RGS5: variants seen among roughly 807,000 people sequenced by gnomAD.
The protein encoded by RGS5 is regulator of G-protein signalling 5.
RGS5 carries 20 observed loss-of-function variants against 18.9 expected under a neutral mutation model. The ratio of observed to expected loss-of-function variants is 1.06; its 90% CI spans 0.74 to 1.54. RGS5 has a LOEUF of 1.54. Among genes scored for constraint, RGS5 ranks in the 40% most tolerant of loss-of-function variants. RGS5 has a pLI of 0.00. For synonymous variants in RGS5, 57 were observed against 76.2 expected (o/e 0.75, Z 1.31); for missense variants, 201 against 211.8 (o/e 0.95, Z 0.32).
At chr1:163,276,440 ATATT>A (rs2101715587) in intron 2 of RGS5, among the ~76,000 whole-genome samples, 1 of 152,280 alleles carries the variant, frequency 6.6e-6, no homozygotes, top group East Asian at 1.9e-4. Flanking sequence ...AGATAGATAG[ATATT>A]TAAATTTTTT....
At chr1:163,195,853 T>G (rs1295091416) in intron 1 of RGS5, among the ~76,000 whole-genome samples, 2 of 152,136 alleles carry the variant, frequency 1.3e-5, no homozygotes, top group Non-Finnish European at 2.9e-5. Context: ...CTAGTCACCT[T>G]AAATATAATA....
At chr1:163,263,332 T>C (rs1428439269) in intron 2 of RGS5, among the ~76,000 whole-genome samples, 1 of 152,210 alleles carries the variant, frequency 6.6e-6, no homozygotes, top group Non-Finnish European at 1.5e-5. Context: ...TTCTTCAGAT[T>C]CTTGAACTAG....
intron 1 of RGS5, among the ~76,000 whole-genome samples, chr1:163,208,369 A>AAC (rs1660004793): frequency 1.4e-5 from 2 of 146,552 alleles, no homozygotes; most frequent in South Asian, 4.4e-4. Flanking sequence ...AAAAAAAAAA[A>AAC]AAGGAAAAGA....
intron 1 of RGS5, among the ~76,000 whole-genome samples, chr1:163,194,368 T>C (rs1334524303): frequency 6.6e-6 from 1 of 152,160 alleles, no homozygotes; most frequent in Non-Finnish European, 1.5e-5. Context: ...ATGACTTAGA[T>C]GAGATAAGAA....
chr1:163,183,280 T>A (rs1658939468), intron 1 of RGS5, among the ~76,000 whole-genome samples: 1 of 152,248 alleles, frequency 6.6e-6, no homozygotes, highest in African/African-American at 2.4e-5. Flanking sequence ...CCAAGATTTC[T>A]ATTTTCAGGA....
At chr1:163,156,289 T>A (rs1009120388) in intron 3 of RGS5, among the ~76,000 whole-genome samples, 10 of 152,198 alleles carry the variant, frequency 6.6e-5, no homozygotes, top group African/African-American at 1.9e-4. Context: ...AAGAAATAAA[T>A]AATTCATATA....
At chr1:163,183,402 T>C (rs1026323706) in intron 1 of RGS5, among the ~76,000 whole-genome samples, 4 of 152,234 alleles carry the variant, frequency 2.6e-5, no homozygotes, top group African/African-American at 9.6e-5. Flanking sequence ...GGGGTTGTTT[T>C]ACAAAATTAA....
At chr1:163,249,469 T>A (rs1023983328) in intron 2 of RGS5, among the ~76,000 whole-genome samples, 1 of 152,218 alleles carries the variant, frequency 6.6e-6, no homozygotes. Context: ...AATCACCCAC[T>A]CTTTCCATGC....
At position 163,168,269 on chromosome 1, in the gene RGS5, G is replaced by A. The variant is rs1236348227; in HGVS notation, c.144C>T (p.Ala48=). 1 of 1,612,996 alleles carries A rather than the reference G, an allele frequency of 6.2e-7. No individual in the cohort carries two copies. Among genetic ancestry groups the A allele is most frequent in the Non-Finnish European group, 8.5e-7 (1 of 1,179,186 alleles). The change falls in exon 2 of 5, where the codon GCC becomes GCT. Residue 48 remains alanine (A), a synonymous_variant. Transcript: ENST00000313961. ...IPYNEKPEKP[A]KTQKTSLDEA... ...TATTCATGACTCACTTCTGGGTCTTGGCTGGTTTCTCTGGCTTCTCATTGT... is the reference window on the plus strand; with the variant it reads ...TATTCATGACTCACTTCTGGGTCTTAGCTGGTTTCTCTGGCTTCTCATTGT...
intron 1 of RGS5, chr1:163,308,641 G>A (rs1443677371): frequency 6.6e-6 from 1 of 152,088 alleles, no homozygotes; most frequent in African/African-American, 2.4e-5. Context: ...ACTGTCATGA[G>A]AATAAAAAGT....
chr1:163,191,019 C>T (rs1659328695), intron 1 of RGS5, among the ~76,000 whole-genome samples: 1 of 152,124 alleles, frequency 6.6e-6, no homozygotes, highest in Non-Finnish European at 1.5e-5. Context: ...GTGTGCTCTC[C>T]TGTGACGGCC....
At chr1:163,321,257 C>T (rs1650197016) in intron 1 of RGS5, 1 of 152,216 alleles carries the variant, frequency 6.6e-6, no homozygotes, top group South Asian at 2.1e-4. Flanking sequence ...ACTTTACAGT[C>T]CCACTTACTG....
At chr1:163,199,955 G>A (rs749092518) in intron 1 of RGS5, among the ~76,000 whole-genome samples, 1 of 152,104 alleles carries the variant, frequency 6.6e-6, no homozygotes, top group Non-Finnish European at 1.5e-5. Flanking sequence ...ATAGGCATGA[G>A]CCACCATGCC....
At chr1:163,310,565 A>G (rs1249755761) in intron 1 of RGS5, among the ~76,000 whole-genome samples, 2 of 129,734 alleles carry the variant, frequency 1.5e-5, no homozygotes, top group African/African-American at 3.0e-5. Context: ...ACAGAGCAAG[A>G]CTCCGTCTCA....
chr1:163,213,979 C>T (rs1234682836), intron 1 of RGS5, among the ~76,000 whole-genome samples: 1 of 152,128 alleles, frequency 6.6e-6, no homozygotes, highest in Non-Finnish European at 1.5e-5. Context: ...GATCAAGTAA[C>T]CCCATTAAAA....
At chr1:163,159,820 A>G (rs546792216) in intron 3 of RGS5, among the ~76,000 whole-genome samples, 1 of 152,310 alleles carries the variant, frequency 6.6e-6, no homozygotes, top group Admixed American at 6.5e-5. Context: ...ATATATACAC[A>G]TATATAATTT....
chr1:163,168,566 T>C (rs1284345227), intron 1 of RGS5, among the ~76,000 whole-genome samples, 198 bp from the exon 2 acceptor site: 1 of 152,238 alleles, frequency 6.6e-6, no homozygotes, highest in Non-Finnish European at 1.5e-5. Context: ...GCTCTTAGTA[T>C]GTCCTTCATT....
intron 1 of RGS5, among the ~76,000 whole-genome samples, chr1:163,179,983 C>G (rs547817632): frequency 3.3e-5 from 5 of 152,086 alleles, no homozygotes; most frequent in African/African-American, 1.2e-4. Context: ...TTGCCAATAG[C>G]TAATCTGTCA....
At chr1:163,209,148 C>T (rs994329308) in intron 1 of RGS5, among the ~76,000 whole-genome samples, 4 of 152,118 alleles carry the variant, frequency 2.6e-5, no homozygotes, top group African/African-American at 9.7e-5. Context: ...GGCCCTTCCT[C>T]CTGGAAATTC....
Sources: gnomAD v4.1 joint callset for allele counts (sites outside exome capture counted in the v4.1 genomes callset) on GRCh38, gnomAD v4.1.1 for gene constraint, MANE v1.5 for transcripts, NCBI Gene and HGNC (gene_info 2026-07-23, HGNC 2026-07-21) for gene names.